The following KCNH5 variants were observed in gnomAD, a reference collection of about 807,000 sequenced individuals.
The protein encoded by KCNH5 is potassium voltage-gated channel subfamily H member 5, also known as voltage-gated delayed rectifier potassium channel KCNH5.
Under a neutral mutation model 96.1 loss-of-function variants are expected in KCNH5, and 46 were observed. The ratio of observed to expected loss-of-function variants is 0.48; its 90% confidence interval spans 0.38 to 0.61. The LOEUF (loss-of-function observed/expected upper bound fraction) is 0.61, where lower values mean the gene tolerates loss of function less well. Among genes scored for constraint, KCNH5 ranks in the 20% least tolerant of loss-of-function variants. The pLI is 0.00. For missense variants in KCNH5, 907 were observed against 1,225.8 expected (o/e 0.74, Z 3.88); for synonymous variants, 439 against 449.8 (o/e 0.98, Z 0.30).
chr14:62,971,703 A>G (rs979593632), intron 6 of KCNH5, among the ~76,000 whole-genome samples: 1 of 152,128 alleles, frequency 6.6e-6, no homozygotes, highest in Non-Finnish European at 1.5e-5. Context: ...ATAGACCCAC[A>G]TAAATATAGG....
chr14:62,748,949 C>A (rs1463068834), intron 10 of KCNH5, among the ~76,000 whole-genome samples: 1 of 152,088 alleles, frequency 6.6e-6, no homozygotes, highest in Admixed American at 6.6e-5. Flanking sequence ...TGGAACCAAG[C>A]CGATATAGGG....
intron 9 of KCNH5, among the ~76,000 whole-genome samples, chr14:62,785,196 G>A (rs1045522874): frequency 2.6e-5 from 4 of 152,060 alleles, no homozygotes; most frequent in Non-Finnish European, 5.9e-5. Flanking sequence ...TGGGACTATG[G>A]TCATCTTTTA....
At chr14:62,840,543 TG>T (rs2140036466) in intron 8 of KCNH5, among the ~76,000 whole-genome samples, 4 of 145,982 alleles carry the variant, frequency 2.7e-5, no homozygotes, top group Non-Finnish European at 6.0e-5. Context: ...TGTTTTGTTT[TG>T]TTTTTCTTTT....
chr14:62,930,684 G>A (rs1335302968), intron 7 of KCNH5, among the ~76,000 whole-genome samples: 1 of 152,082 alleles, frequency 6.6e-6, no homozygotes, highest in Non-Finnish European at 1.5e-5. Flanking sequence ...AATTCCCTGT[G>A]CACTACAGAA....
At chr14:63,004,567 T>C (rs1165196418) in intron 3 of KCNH5, among the ~76,000 whole-genome samples, 1 of 152,240 alleles carries the variant, frequency 6.6e-6, no homozygotes, top group Non-Finnish European at 1.5e-5. Flanking sequence ...ATTACTAAGA[T>C]GATTTAAAGT....
intron 8 of KCNH5, among the ~76,000 whole-genome samples, chr14:62,841,202 T>C (rs201339320): frequency 2.0e-5 from 3 of 152,070 alleles, no homozygotes; most frequent in East Asian, 1.9e-4. Flanking sequence ...CAAATAATAA[T>C]AACAACAGAA....
chr14:62,850,139 A>C (rs1472068725), intron 7 of KCNH5, among the ~76,000 whole-genome samples: 4 of 152,196 alleles, frequency 2.6e-5, no homozygotes, highest in Non-Finnish European at 5.9e-5. Context: ...AATTTTCTGA[A>C]GAATCAGATG....
chr14:62,904,984 G>A (rs1381656680), intron 7 of KCNH5, among the ~76,000 whole-genome samples: 3 of 152,260 alleles, frequency 2.0e-5, no homozygotes, highest in South Asian at 2.1e-4. Context: ...CAAAATATAC[G>A]CTACCATGGT....
At chr14:62,923,125 G>A (rs1314107651) in intron 7 of KCNH5, among the ~76,000 whole-genome samples, 2 of 151,848 alleles carry the variant, frequency 1.3e-5, no homozygotes, top group African/African-American at 2.4e-5. Flanking sequence ...CAGTACAGTT[G>A]CAGTATATGT....
chr14:62,705,488 A>C lies in KCNH5; in HGVS notation c.*2020T>G, dbSNP rs1203627751. The C allele has an allele frequency of 6.6e-6, 1 of 151,974 alleles. No homozygotes were observed. Among genetic ancestry groups the C allele is most frequent in the Non-Finnish European group, 1.5e-5 (1 of 67,862 alleles). The allele number at this position is 151,974 out of a possible 1,614,324, so 9.4% of individuals were successfully genotyped here. A position where few individuals can be genotyped will look rare whatever the true frequency, so the allele number is the denominator to read the frequency against. ...ATTCCAATTTCAAGGCTGATTCTTT[A>C]CTCCATAATTATTTCATTTTCTTGT... is the stretch of plus-strand genomic sequence containing the variant. On this transcript the variant is annotated 3_prime_UTR_variant, in exon 11 of 11. Transcript: ENST00000322893.
chr14:62,744,030 A>G (rs1885326353), intron 10 of KCNH5, among the ~76,000 whole-genome samples: 1 of 152,186 alleles, frequency 6.6e-6, no homozygotes. Context: ...AGGGAACTAA[A>G]GAGAAAAGTA....
intron 4 of KCNH5, among the ~76,000 whole-genome samples, chr14:62,992,582 A>T (rs930282895): frequency 1.3e-5 from 2 of 151,958 alleles, no homozygotes; most frequent in African/African-American, 4.8e-5. Flanking sequence ...TAGTGATGTC[A>T]AGTATTTTTT....
intron 2 of KCNH5, among the ~76,000 whole-genome samples, chr14:63,015,410 G>A (rs1484352905): frequency 3.9e-5 from 6 of 152,008 alleles, no homozygotes; most frequent in Non-Finnish European, 7.4e-5. Context: ...GATATCTAGA[G>A]AGGGAAAGAG....
chr14:62,960,530 A>G (rs1594646726), intron 6 of KCNH5, among the ~76,000 whole-genome samples: 1 of 152,288 alleles, frequency 6.6e-6, no homozygotes, highest in South Asian at 2.1e-4. Flanking sequence ...CACAGGTAGT[A>G]CCATATCAGG....
chr14:62,815,142 T>C (rs867288397), intron 8 of KCNH5, among the ~76,000 whole-genome samples: 6 of 152,194 alleles, frequency 3.9e-5, no homozygotes, highest in African/African-American at 1.2e-4. Flanking sequence ...GATAAATCCA[T>C]GGATCTCAAC....
At chr14:62,839,895 A>G (rs1887541250) in intron 8 of KCNH5, among the ~76,000 whole-genome samples, 1 of 151,914 alleles carries the variant, frequency 6.6e-6, no homozygotes, top group South Asian at 2.1e-4. Context: ...GTTTTTTTCT[A>G]TTACTTTCCT....
intron 10 of KCNH5, among the ~76,000 whole-genome samples, chr14:62,754,401 A>G (rs1008862780): frequency 6.6e-6 from 1 of 152,148 alleles, no homozygotes; most frequent in African/African-American, 2.4e-5. Context: ...TTATCAATAC[A>G]ACATTAAATG....
chr14:62,750,265 T>C (rs1484926164), intron 10 of KCNH5, among the ~76,000 whole-genome samples: 1 of 152,116 alleles, frequency 6.6e-6, no homozygotes, highest in Non-Finnish European at 1.5e-5. Flanking sequence ...TTTTTTCCTA[T>C]AAAAAGACAT....
intron 1 of KCNH5, among the ~76,000 whole-genome samples, chr14:63,040,860 T>C (rs989614150): frequency 6.6e-5 from 10 of 152,010 alleles, no homozygotes; most frequent in African/African-American, 1.9e-4. Flanking sequence ...TCAAGCAGAA[T>C]GAAAAATTGA....
Sources: gnomAD v4.1 joint callset for allele counts (sites outside exome capture counted in the v4.1 genomes callset) on GRCh38, gnomAD v4.1.1 for gene constraint, MANE v1.5 for transcripts, NCBI Gene and HGNC (gene_info 2026-07-23, HGNC 2026-07-21) for gene names.